The following ARL13B variants were observed in gnomAD, a reference collection of about 807,000 sequenced individuals.
ARL13B encodes the protein ADP-ribosylation factor-like protein 13B.
ARL13B carries 36 observed loss-of-function variants against 56.1 expected under a neutral mutation model. The ratio of observed to expected loss-of-function variants is 0.64; its 90% CI spans 0.49 to 0.85. The LOEUF is 0.85. Ranked by LOEUF, ARL13B falls within the 40% of genes least tolerant of loss-of-function variation. The probability of loss-of-function intolerance (pLI) is 0.00; values close to 1 mark genes in which losing one functional copy is unlikely to be tolerated. For synonymous variants in ARL13B, 178 were observed against 171.1 expected, an observed-to-expected ratio of 1.04 and a Z score of -0.32; for missense variants, 519 against 507.1, an observed-to-expected ratio of 1.02 and a Z score of -0.23.
chr3:94,007,428 T>G (rs556907556), intron 3 of ARL13B, among the ~76,000 whole-genome samples: 114 of 152,310 alleles, frequency 7.5e-4, no homozygotes, highest in African/African-American at 2.7e-3. Flanking sequence ...CATTCTGTTT[T>G]CATGGTGCTG....
chr3:94,050,996 G>A, intron 9 of ARL13B, 104 bp downstream of exon 9: 1 of 1,055,364 alleles, frequency 9.5e-7, no homozygotes, highest in Non-Finnish European at 1.4e-6. Flanking sequence ...TTAGAAGCTT[G>A]TCAAATCCAC....
At chr3:94,041,471 C>T (rs1008753216) in intron 6 of ARL13B, among the ~76,000 whole-genome samples, 2 of 151,988 alleles carry the variant, frequency 1.3e-5, no homozygotes, top group Non-Finnish European at 2.9e-5. Flanking sequence ...ATAGATAAGT[C>T]TTTATATGTG....
At chr3:94,025,615 T>TA (rs1365848493) in intron 3 of ARL13B, among the ~76,000 whole-genome samples, 1 of 152,188 alleles carries the variant, frequency 6.6e-6, no homozygotes, top group African/African-American at 2.4e-5. Flanking sequence ...ATTGGGGAGT[T>TA]ATACAAGAAT....
At chr3:94,002,003 T>C (rs2076063589) in intron 2 of ARL13B, among the ~76,000 whole-genome samples, 1 of 152,210 alleles carries the variant, frequency 6.6e-6, no homozygotes, top group East Asian at 1.9e-4. Context: ...CTCTTAACTT[T>C]CTCAGGTGCT....
intron 7 of ARL13B, chr3:94,047,749 A>G (rs997503588): frequency 3.3e-5 from 5 of 152,072 alleles, no homozygotes; most frequent in African/African-American, 1.2e-4. Flanking sequence ...GCCTACCCTA[A>G]AGTACCATTT....
chr3:94,050,311 A>C (rs2077048848), intron 8 of ARL13B, among the ~76,000 whole-genome samples: 2 of 152,316 alleles, frequency 1.3e-5, no homozygotes, highest in East Asian at 1.9e-4. Flanking sequence ...AATGCATATA[A>C]AACACTGGGA....
intron 3 of ARL13B, chr3:94,028,445 C>T (rs566287861): frequency 6.6e-6 from 1 of 152,358 alleles, no homozygotes; most frequent in African/African-American, 2.4e-5. Context: ...TGAATATCAT[C>T]TCATGTTTTG....
intron 3 of ARL13B, among the ~76,000 whole-genome samples, chr3:94,011,845 G>A (rs981558947): frequency 6.6e-6 from 1 of 152,050 alleles, no homozygotes; most frequent in Non-Finnish European, 1.5e-5. Flanking sequence ...AGAATTGCCT[G>A]TAGTGGCTGC....
intron 7 of ARL13B, 46 bp from the exon 8 acceptor site, chr3:94,049,360 G>T: frequency 8.8e-7 from 1 of 1,134,424 alleles, no homozygotes; most frequent in South Asian, 1.4e-5. Flanking sequence ...TTATAAAAGT[G>T]CACTTTTTCA....
At chr3:94,050,923 A>G in intron 9 of ARL13B, 31 bp downstream of exon 9, 2 of 1,588,868 alleles carry the variant, frequency 1.3e-6, no homozygotes, top group Non-Finnish European at 1.7e-6. Context: ...TTCAGATATC[A>G]TCTGTACATG....
chr3:94,029,355 T>TTA (rs2076632146), intron 3 of ARL13B, among the ~76,000 whole-genome samples: 5 of 135,578 alleles, frequency 3.7e-5, no homozygotes, highest in South Asian at 2.4e-4. Flanking sequence ...TTTTATTTTT[T>TTA]TTTTTTTTTG....
intron 3 of ARL13B, among the ~76,000 whole-genome samples, chr3:94,024,409 T>C (rs1272877714): frequency 6.6e-6 from 1 of 152,202 alleles, no homozygotes; most frequent in Non-Finnish European, 1.5e-5. Flanking sequence ...TCCATAAAAA[T>C]TAAGTCCTAT....
chr3:94,049,382 A>G, intron 7 of ARL13B, 24 bp from the exon 8 acceptor site: 1 of 1,417,558 alleles, frequency 7.1e-7, no homozygotes, highest in Non-Finnish European at 9.9e-7. Flanking sequence ...AAAGACATGA[A>G]GTTTCATGTT....
chr3:94,031,065 G>T (rs957247971), intron 3 of ARL13B, among the ~76,000 whole-genome samples: 2 of 152,052 alleles, frequency 1.3e-5, no homozygotes, highest in Non-Finnish European at 1.5e-5. Context: ...AGTGGTATGC[G>T]CCTGTAGTCC....
intron 1 of ARL13B, 110 bp from the exon 2 acceptor site, chr3:93,995,764 G>C: frequency 1.0e-6 from 1 of 970,140 alleles, no homozygotes; most frequent in Non-Finnish European, 1.6e-6. Flanking sequence ...AGATTTTCTT[G>C]TGCTTAATAG....
intron 1 of ARL13B, among the ~76,000 whole-genome samples, chr3:93,990,328 TG>T (rs970134892): frequency 2.8e-4 from 42 of 152,108 alleles, no homozygotes; most frequent in African/African-American, 9.9e-4. Flanking sequence ...ATCTCTTAGC[TG>T]AAATGCTTGG....
chr3:94,009,801 C>G (rs1307704201), intron 3 of ARL13B, among the ~76,000 whole-genome samples: 2 of 152,086 alleles, frequency 1.3e-5, no homozygotes, highest in African/African-American at 4.8e-5. Context: ...TTCCTTTTGT[C>G]TCTTAATGAC....
chr3:94,053,631 T>TA lies in ARL13B; in HGVS notation c.*369dup. ...TTGTTCAATAGCCTATATTTCTAGA[T>TA]ATTAAATATTTTTTGTAAGATATAT... On this transcript the variant is annotated 3_prime_UTR_variant, in exon 10 of 10. Transcript: ENST00000394222. 1 of 447,762 alleles carries TA rather than the reference T, an allele frequency of 2.2e-6. No homozygotes were observed. The highest frequency in any genetic ancestry group is 6.8e-5 in the East Asian group (1 of 14,798). 27.7% of individuals were successfully genotyped at this position (447,762 alleles called of 1,614,324 possible).
chr3:93,980,433 C>T lies in ARL13B; in HGVS notation c.10C>T (p.Leu4=), dbSNP rs778614582. MFS[L]MASCCGWFKR... ...GGAGGAGCGACCCGGGATGTTCAGTCTGATGGCCAGTTGCTGCGGCTGGTT... is the reference window on the plus strand; with the variant it reads ...GGAGGAGCGACCCGGGATGTTCAGTTTGATGGCCAGTTGCTGCGGCTGGTT... The change falls in exon 1 of 10, where the codon CTG becomes TTG. Residue 4 remains leucine, a synonymous_variant. Coordinates refer to ENST00000394222, the MANE Select transcript of ARL13B (RefSeq NM_001174150.2). 2 of 1,612,718 alleles carry T rather than the reference C, an allele frequency of 1.2e-6. No individual in the cohort carries two copies. The highest frequency in any genetic ancestry group is 3.3e-5 in the Admixed American group (2 of 60,030).
Sources: allele counts gnomAD v4.1 joint callset (sites outside exome capture counted in the v4.1 genomes callset), GRCh38; gene constraint gnomAD v4.1.1; transcripts MANE v1.5; gene names NCBI Gene and HGNC (gene_info 2026-07-23, HGNC 2026-07-21).